The following IL6ST variants were observed in gnomAD, a reference collection of about 807,000 sequenced individuals.
The protein encoded by IL6ST is interleukin 6 cytokine family signal transducer.
A neutral mutation model predicts 91.3 loss-of-function variants in IL6ST; 24 were observed. That is an observed-to-expected ratio of 0.26 (90% CI 0.19 to 0.37). The LOEUF (loss-of-function observed/expected upper bound fraction) is 0.37, where lower values mean the gene tolerates loss of function less well. Ranked by LOEUF, IL6ST falls within the 10% of genes least tolerant of loss-of-function variation. The pLI, the probability that IL6ST is intolerant of heterozygous loss-of-function variation, is 1.00. For missense variants in IL6ST, 914 were observed against 1,078.5 expected, an observed-to-expected ratio of 0.85 and a Z score of 2.14; for synonymous variants, 351 against 373.6, an observed-to-expected ratio of 0.94 and a Z score of 0.70.
chr5:55,980,402 T>C (rs1185445949), intron 2 of IL6ST, among the ~76,000 whole-genome samples: 3 of 151,964 alleles, frequency 2.0e-5, no homozygotes, highest in Non-Finnish European at 4.4e-5. Flanking sequence ...ATACAAAAAG[T>C]AGCTGGGCGT....
In IL6ST at chr5:55,952,294, C is replaced by T; in HGVS notation, c.1508G>A (p.Gly503Glu). The change falls in exon 12 of 17, where the codon GGA becomes GAA. Residue 503 changes from glycine (G) to glutamate (E), a missense_variant. By Grantham distance (98) the Gly-to-Glu change is moderately conservative. Coordinates refer to ENST00000381298, the MANE Select transcript of IL6ST (RefSeq NM_002184.4). ...LITVTPVYAD[G>E]PGSPESIKAY... ...CTTTATGGATTCAGGGCTTCCTGGTCCATCAGCATATACTGGAGTAACTGT... is the reference window on the plus strand; with the variant it reads ...CTTTATGGATTCAGGGCTTCCTGGTTCATCAGCATATACTGGAGTAACTGT... The T allele has an allele frequency of 5.6e-6, 9 of 1,610,942 alleles. No homozygotes were observed. Among genetic ancestry groups the T allele is most frequent in the Non-Finnish European group, 7.6e-6 (9 of 1,177,712 alleles).
intron 2 of IL6ST, among the ~76,000 whole-genome samples, 157 bp downstream of exon 2, chr5:55,982,567 C>T (rs542892840): frequency 6.6e-6 from 1 of 152,220 alleles, no homozygotes; most frequent in Admixed American, 6.5e-5. Context: ...ACAATTAACA[C>T]TAGGATATTA....
chr5:55,960,575 A>G lies in IL6ST; in HGVS notation c.814-14T>C. On this transcript the variant is annotated splice_polypyrimidine_tract_variant and intron_variant, in intron 7 of 16. Coordinates refer to ENST00000381298, the MANE Select transcript of IL6ST (RefSeq NM_002184.4). Reference sequence around the variant, plus strand: ...TTCAGGAGGAATCTGAAACAAAGCAAACCAAACAACAGAAAACCTCAATTA... The same window carrying G: ...TTCAGGAGGAATCTGAAACAAAGCAGACCAAACAACAGAAAACCTCAATTA... 1 of 1,600,696 alleles carries G rather than the reference A, an allele frequency of 6.2e-7. No homozygotes were observed. The highest frequency in any genetic ancestry group is 8.5e-7 in the Non-Finnish European group (1 of 1,175,902).
chr5:55,984,418 C>T (rs1471522320), intron 1 of IL6ST, among the ~76,000 whole-genome samples: 1 of 152,092 alleles, frequency 6.6e-6, no homozygotes, highest in Non-Finnish European at 1.5e-5. Flanking sequence ...GTATAATAGG[C>T]CTTTAGTACA....
At chr5:55,956,893 CTCA>C (rs1752010726) in intron 9 of IL6ST, among the ~76,000 whole-genome samples, 1 of 152,158 alleles carries the variant, frequency 6.6e-6, no homozygotes, top group African/African-American at 2.4e-5. Flanking sequence ...GGCGCGGTGG[CTCA>C]TGCCTGTAAT....
At chr5:55,945,164 G>A (rs1490112275) in intron 15 of IL6ST, among the ~76,000 whole-genome samples, 1 of 151,080 alleles carries the variant, frequency 6.6e-6, no homozygotes, top group Non-Finnish European at 1.5e-5. Context: ...GAATTAAAAT[G>A]TATATGAAAA....
In IL6ST at chr5:55,941,292, T is replaced by C. The variant is rs747519867; in HGVS notation, c.2547A>G (p.Lys849=). The C allele has an allele frequency of 3.8e-5, 62 of 1,614,012 alleles. No individual in the cohort carries two copies. Among genetic ancestry groups the C allele is most frequent in the Non-Finnish European group, 5.2e-5 (61 of 1,179,984 alleles). The change falls in exon 17 of 17, where the codon AAA becomes AAG. Residue 849 remains lysine (K), a synonymous_variant. Transcript: ENST00000381298. ...SVNEEDFVRL[K]QQISDHISQS... is the part of the protein sequence containing the mutation. ...GTGAAATATGATCTGAAATCTGCTG[T>C]TTAAGTCTAACAAAATCTTCCTCAT...
intron 2 of IL6ST, among the ~76,000 whole-genome samples, chr5:55,979,483 C>CCAAA (rs1386932492): frequency 2.0e-5 from 3 of 152,030 alleles, no homozygotes; most frequent in African/African-American, 7.2e-5. Context: ...GGTAAACAAA[C>CCAAA]CAAAAATTAT....
In IL6ST at chr5:55,951,562, G is replaced by A. The variant is rs1274122062; in HGVS notation, c.1742C>T (p.Ser581Phe). 6.2e-7 allele frequency: 1 copy of A among 1,612,644 alleles called. No individual in the cohort carries two copies. The highest frequency in any genetic ancestry group is 1.3e-5 in the African/African-American group (1 of 74,914). Residue 581 changes from serine (S) to phenylalanine (F), a missense_variant, in exon 14 of 17, where the codon TCT (serine) becomes TTT (phenylalanine). By Grantham distance (155) the Ser-to-Phe change is radical. Coordinates refer to ENST00000381298, the MANE Select transcript of IL6ST (RefSeq NM_002184.4). ...DSSHTEYTLS[S>F]LTSDTLYMVR... ...CATGTACAATGTGTCACTAGTCAAA[G>A]AGGACAATGTATATTCTGTGTGGGA...
rs1427162301 is a variant in IL6ST, at chr5:55,969,607, T to C, written c.313A>G (p.Ile105Val). The C allele has an allele frequency of 1.2e-6, 2 of 1,613,230 alleles. No individual in the cohort carries two copies. The highest frequency in any genetic ancestry group is 1.7e-5 in the Admixed American group (1 of 59,990). The stretch of plus-strand genomic sequence containing the variant: ...TGTTCAAGCTGTCCGAATGTAAGAA[T>C]GTTGCAAGTGAGCTGAATATTTAAT... ...ASLNIQLTCN[I>V]LTFGQLEQNV... Residue 105 changes from isoleucine to valine, a missense_variant, in exon 4 of 17, where the codon ATT (isoleucine) becomes GTT (valine). Coordinates refer to ENST00000381298, the MANE Select transcript of IL6ST (RefSeq NM_002184.4).
chr5:55,951,218 A>G (rs1751611153), intron 14 of IL6ST, among the ~76,000 whole-genome samples: 1 of 152,212 alleles, frequency 6.6e-6, no homozygotes, highest in African/African-American at 2.4e-5. Flanking sequence ...ATGAACCCAC[A>G]TGGAAAGATA....
intron 5 of IL6ST, among the ~76,000 whole-genome samples, chr5:55,964,856 C>T (rs1463788243): frequency 6.6e-6 from 1 of 151,878 alleles, no homozygotes; most frequent in Non-Finnish European, 1.5e-5. Context: ...ATAAATTATG[C>T]CTCAATTAAA....
rs1398187502 is a variant in IL6ST at position 55,939,968 on chromosome 5, G to A, written c.*1114C>T. ...GGCAAATATTGCCCAAGTTGTCTTA[G>A]TGTGCCTCAAACATTTACTAAAAAT... On this transcript the variant is annotated 3_prime_UTR_variant, in exon 17 of 17. Coordinates refer to ENST00000381298, the MANE Select transcript of IL6ST (RefSeq NM_002184.4). The A allele has an allele frequency of 4.9e-6, 1 of 202,694 alleles. No individual in the cohort carries two copies. The highest frequency in any genetic ancestry group is 7.6e-5 in the East Asian group (1 of 13,242). 12.6% of individuals were successfully genotyped at this position (202,694 alleles called of 1,614,324 possible). A position where few individuals can be genotyped will look rare whatever the true frequency, so the allele number is the denominator to read the frequency against.
intron 12 of IL6ST, 35 bp from the exon 13 acceptor site, chr5:55,952,110 T>C: frequency 6.3e-7 from 1 of 1,584,074 alleles, no homozygotes; most frequent in Non-Finnish European, 8.6e-7. Flanking sequence ...TAACTGAAAA[T>C]CATTTACAAT....
At chr5:55,950,065 C>A in intron 14 of IL6ST, 1 of 348,834 alleles carries the variant, frequency 2.9e-6, no homozygotes, top group Non-Finnish European at 5.8e-6. Context: ...TGAAAGGGTA[C>A]GCACAATCAA....
intron 9 of IL6ST, among the ~76,000 whole-genome samples, chr5:55,956,461 G>C (rs112577615): frequency 6.6e-6 from 1 of 152,096 alleles, no homozygotes; most frequent in East Asian, 1.9e-4. Flanking sequence ...GCATCATTCC[G>C]TTAGCTTTTG....
intron 1 of IL6ST, among the ~76,000 whole-genome samples, chr5:55,993,477 C>G (rs1190156319): frequency 1.1e-4 from 16 of 152,104 alleles, no homozygotes; most frequent in Admixed American, 1.0e-3. Context: ...AGAGTGAGAA[C>G]AACATTTTTA....
intron 3 of IL6ST, among the ~76,000 whole-genome samples, chr5:55,971,189 A>G (rs1752945381): frequency 6.6e-6 from 1 of 152,166 alleles, no homozygotes; most frequent in Admixed American, 6.5e-5. Flanking sequence ...TGCTAACAGC[A>G]CCACTCCCAT....
At chr5:55,975,961 T>C (rs1023889922) in intron 3 of IL6ST, among the ~76,000 whole-genome samples, 12 of 151,436 alleles carry the variant, frequency 7.9e-5, no homozygotes, top group African/African-American at 2.4e-4. Flanking sequence ...ATTGTTAGTA[T>C]TGATATACAG....
Sources: allele counts gnomAD v4.1 joint callset (sites outside exome capture counted in the v4.1 genomes callset), GRCh38; gene constraint gnomAD v4.1.1; transcripts MANE v1.5; gene names NCBI Gene and HGNC (gene_info 2026-07-23, HGNC 2026-07-21).